Variants in SMOC2 observed in about 807,000 individuals in gnomAD.
SMOC2 encodes the protein SPARC-related modular calcium-binding protein 2.
Under a neutral mutation model 61.4 loss-of-function variants are expected in SMOC2, and 39 were observed. That is an observed-to-expected ratio of 0.64 (90% CI 0.49 to 0.83). SMOC2 has a LOEUF of 0.83. Ranked by LOEUF, SMOC2 falls within the 40% of genes least tolerant of loss-of-function variation. SMOC2 has a pLI of 0.00. For synonymous variants in SMOC2, 247 were observed against 239.9 expected, an observed-to-expected ratio of 1.03 and a Z score of -0.27; for missense variants, 556 against 592.9, an observed-to-expected ratio of 0.94 and a Z score of 0.65.
chr6:168,501,849 G>A (rs1405629216), intron 1 of SMOC2, among the ~76,000 whole-genome samples: 2 of 152,184 alleles, frequency 1.3e-5, no homozygotes, highest in African/African-American at 2.4e-5. Context: ...GTCTCCAGGC[G>A]TTTGGTCCTG....
intron 1 of SMOC2, among the ~76,000 whole-genome samples, chr6:168,498,919 C>A (rs2749244): frequency 0.36 from 36,746 of 103,240 alleles, 3,872 homozygotes; most frequent in East Asian, 0.54. Flanking sequence ...CTGTTTACTA[C>A]ACATGGAAAC....
chr6:168,603,594 G>T (rs966293925), intron 8 of SMOC2, among the ~76,000 whole-genome samples: 2 of 152,072 alleles, frequency 1.3e-5, no homozygotes, highest in African/African-American at 4.8e-5. Context: ...AACAAAACAG[G>T]TACAGTCCAT....
intron 4 of SMOC2, among the ~76,000 whole-genome samples, chr6:168,542,326 GAAACA>G (rs1175615453): frequency 6.6e-6 from 1 of 152,186 alleles, no homozygotes; most frequent in Non-Finnish European, 1.5e-5. Context: ...GCAAGGCCTG[GAAACA>G]ATGTAATATG....
intron 1 of SMOC2, among the ~76,000 whole-genome samples, chr6:168,472,397 A>G (rs1344327247): frequency 1.3e-5 from 2 of 152,038 alleles, no homozygotes; most frequent in African/African-American, 4.8e-5. Context: ...ACTCTATTCT[A>G]TTGGTGTATA....
chr6:168,608,284 A>C (rs760241622), intron 9 of SMOC2, 45 bp downstream of exon 9: 1 of 1,575,274 alleles, frequency 6.3e-7, no homozygotes, highest in African/African-American at 1.4e-5. Flanking sequence ...AGGCCCCACC[A>C]TGCAGTTTCT....
intron 8 of SMOC2, among the ~76,000 whole-genome samples, chr6:168,599,418 A>ACC (rs528633537): frequency 0.011 from 628 of 58,030 alleles, 7 homozygotes; most frequent in Middle Eastern, 0.047. Context: ...ACACATTCAT[A>ACC]CCCCCCACAC....
intron 1 of SMOC2, among the ~76,000 whole-genome samples, chr6:168,461,142 C>T (rs900807423): frequency 2.6e-5 from 4 of 152,194 alleles, no homozygotes; most frequent in African/African-American, 9.6e-5. Flanking sequence ...GAGCAAGTCC[C>T]ATCTTACATG....
rs1783716883 is a variant in SMOC2, at chr6:168,535,830, A to G, written c.464-7795A>G. 6.6e-6 allele frequency among the ~76,000 whole-genome samples: 1 copy of G among 152,204 alleles called. No individual in the cohort carries two copies. The highest frequency in any genetic ancestry group is 1.5e-5 in the Non-Finnish European group (1 of 68,026). On this transcript the variant is annotated intron_variant, in intron 4 of 12. Transcript: ENST00000356284. The surrounding 1 kb of genome is among the most constrained non-coding windows in gnomAD (Gnocchi z 4.6). ...GCGCAGTGACAGTGATCCTGGGGAC[A>G]CGTGAGGAATAACGCAGCAGTGATG...
chr6:168,658,089 G>A (rs9346474), intron 11 of SMOC2, among the ~76,000 whole-genome samples: 1 of 152,102 alleles, frequency 6.6e-6, no homozygotes, highest in Admixed American at 6.5e-5. Flanking sequence ...GGGAGGCCTG[G>A]GGGACTGATG....
chr6:168,539,326 G>A (rs186314962), intron 4 of SMOC2, among the ~76,000 whole-genome samples: 104 of 152,316 alleles, frequency 6.8e-4, no homozygotes, highest in African/African-American at 2.4e-3. Context: ...GAATCCCCAC[G>A]GGGCTGGCCG....
rs757015934 is a variant in SMOC2 at position 168,656,598 on chromosome 6, CA to C, written c.1285+3371del. 7.6e-5 allele frequency among the ~76,000 whole-genome samples: 11 copies of C among 145,320 alleles called. No homozygotes were observed. The East Asian group carries it at 1.2e-3, about 16-fold the overall frequency. On this transcript the variant is annotated intron_variant, in intron 11 of 12. Coordinates refer to ENST00000356284, the MANE Select transcript of SMOC2 (RefSeq NM_001166412.2). ...CCATGTTTGAAGCTCAGCTGTGAGACAGGGGCCCTTTGATCTGACCTGGACT... is the reference window on the plus strand; with the variant it reads ...CCATGTTTGAAGCTCAGCTGTGAGACGGGGCCCTTTGATCTGACCTGGACT...
chr6:168,626,684 G>A (rs905888021), intron 9 of SMOC2, among the ~76,000 whole-genome samples: 2 of 152,224 alleles, frequency 1.3e-5, no homozygotes, highest in East Asian at 1.9e-4. Context: ...GCAAAAGTGC[G>A]TGGCAACTTA....
intron 9 of SMOC2, among the ~76,000 whole-genome samples, chr6:168,628,698 T>G (rs1047387618): frequency 6.6e-6 from 1 of 152,236 alleles, no homozygotes; most frequent in Admixed American, 6.5e-5. Context: ...GCTGCAAGAT[T>G]ACTAAACTGT....
intron 1 of SMOC2, among the ~76,000 whole-genome samples, chr6:168,474,201 A>G (rs1204716225): frequency 1.3e-5 from 2 of 152,118 alleles, no homozygotes; most frequent in African/African-American, 4.8e-5. Flanking sequence ...CTGGCTTCCT[A>G]CAGCTCGCAG....
intron 1 of SMOC2, among the ~76,000 whole-genome samples, chr6:168,459,448 T>C (rs1781665436): frequency 6.6e-6 from 1 of 152,156 alleles, no homozygotes; most frequent in Admixed American, 6.5e-5. Context: ...CCTTCGGTCA[T>C]GCCTGGGTTG....
rs372683877 is a variant in SMOC2 at position 168,509,616 on chromosome 6, T to C, written c.85-299T>C. ...AAGGAAAACATTGCTACTCAGACTT[T>C]AAGCGTTGAACTAGGCACACGTGCA... is the stretch of plus-strand genomic sequence containing the variant. On this transcript the variant is annotated intron_variant, in intron 1 of 12. Coordinates refer to ENST00000356284, the MANE Select transcript of SMOC2 (RefSeq NM_001166412.2). 1.1e-4 allele frequency among the ~76,000 whole-genome samples: 17 copies of C among 152,318 alleles called. No individual in the cohort carries two copies. The East Asian group carries it at 2.3e-3, about 21-fold the overall frequency.
intron 8 of SMOC2, among the ~76,000 whole-genome samples, chr6:168,602,140 G>A (rs1785568299): frequency 6.6e-6 from 1 of 152,182 alleles, no homozygotes. Context: ...CACCTCTCCT[G>A]CGGTTTACAC....
Position 168,639,821 on chromosome 6 carries a change from A to C in SMOC2, c.908-10860A>C, listed in dbSNP as rs1786845851. Among the ~76,000 whole-genome samples, 4 of 152,310 alleles carry C rather than the reference A, an allele frequency of 2.6e-5. No individual in the cohort carries two copies. The South Asian group carries it at 8.3e-4, about 32-fold the overall frequency. On this transcript the variant is annotated intron_variant, in intron 9 of 12. Coordinates refer to ENST00000356284, the MANE Select transcript of SMOC2 (RefSeq NM_001166412.2). ...TCAGAACAAACTCAATCATAAGATT[A>C]CAGAGACGGCAGAATGGCCCAGTTG... is the stretch of plus-strand genomic sequence containing the variant.
intron 9 of SMOC2, among the ~76,000 whole-genome samples, chr6:168,643,710 C>T (rs772970639): frequency 6.6e-6 from 1 of 152,224 alleles, no homozygotes; most frequent in Non-Finnish European, 1.5e-5. Flanking sequence ...GGATGCACTC[C>T]TGCCTCTACC....
Sources: gnomAD v4.1 joint callset for allele counts (sites outside exome capture counted in the v4.1 genomes callset) on GRCh38, gnomAD v4.1.1 for gene constraint, Gnocchi (gnomAD v3.1) non-coding constraint, MANE v1.5 for transcripts, NCBI Gene and HGNC (gene_info 2026-07-23, HGNC 2026-07-21) for gene names.